HDAC7: variants seen among roughly 807,000 people sequenced by gnomAD.
HDAC7 encodes histone deacetylase 7.
HDAC7 carries 26 observed loss-of-function variants against 115.5 expected under a neutral mutation model. The observed-to-expected ratio is 0.23, with a 90% CI of 0.16 to 0.31. HDAC7 has a LOEUF of 0.31. HDAC7 is among the 10% of genes least tolerant of loss of function. HDAC7 has a pLI of 1.00. For synonymous variants in HDAC7, 564 were observed against 550.9 expected, an observed-to-expected ratio of 1.02 and a Z score of -0.33; for missense variants, 1,068 against 1,329.0, an observed-to-expected ratio of 0.80 and a Z score of 3.05.
chr12:47,799,103 C>T lies in HDAC7; in HGVS notation c.71-131G>A, dbSNP rs141671128. On this transcript the variant is annotated intron_variant, in intron 2 of 25. Transcript: ENST00000080059. ...AAACACTCTCATGGGGGTTTTTCCT[C>T]ACTTAATCCTGTCGTGGTCCTGCAA... The T allele has an allele frequency of 6.1e-4, 388 of 630,980 alleles. 2 individuals carry two copies. In the African/African-American group the frequency reaches 6.6e-3, roughly 11 times the overall value. 39.1% of individuals were successfully genotyped at this position (630,980 alleles called of 1,614,324 possible). A position where few individuals can be genotyped will look rare whatever the true frequency, so the allele number is the denominator to read the frequency against.
In HDAC7 at chr12:47,793,528, T is replaced by A; in HGVS notation, c.1519A>T (p.Thr507Ser). The change falls in exon 13 of 26, where the codon ACT (threonine) becomes TCT (serine). Residue 507 changes from threonine to serine, a missense_variant. Physicochemically the swap from Thr to Ser is moderately conservative, Grantham distance 58. Around this residue, in one of 6 missense-constraint regions of HDAC7, gnomAD observed 618 missense variants for 701.5 expected, o/e 0.88. Coordinates refer to ENST00000080059, the MANE Select transcript of HDAC7 (RefSeq NM_015401.5). This position sits in a 1 kb window ranked among gnomAD's most constrained non-coding sequence, Gnocchi z 4.5. ...CCCTGGGCCAGAGGAAGCAGCACAG[T>A]GTCCCCGGTGCTGCCCCGGGGGAGC... ...GRLPRGSTGD[T>S]VLLPLAQGGH... 1 of 1,548,244 alleles carries A rather than the reference T, an allele frequency of 6.5e-7. No homozygotes were observed. Among genetic ancestry groups the A allele is most frequent in the African/African-American group, 1.4e-5 (1 of 73,160 alleles).
chr12:47,784,376 C>A, intron 24 of HDAC7, 159 bp from the exon 25 acceptor site: 1 of 727,884 alleles, frequency 1.4e-6, no homozygotes. Flanking sequence ...CCTCTCCTCA[C>A]TTCGCTCCCA....
rs967985401 is a variant in HDAC7 at position 47,786,042 on chromosome 12, A to G, written c.2573-157T>C. ...GTGCTTTCACATTGAATGTCGTACA[A>G]AACCTACTAGTATGCTTCACTCAAG... On this transcript the variant is annotated intron_variant, in intron 22 of 25. Transcript: ENST00000080059. The G allele has an allele frequency of 1.0e-5, 8 of 777,044 alleles. No individual in the cohort carries two copies. The Admixed American group carries it at 2.3e-4, about 22-fold the overall frequency. 48.1% of individuals were successfully genotyped at this position (777,044 alleles called of 1,614,324 possible).
chr12:47,789,991 C>T, intron 16 of HDAC7, 71 bp from the exon 17 acceptor site: 1 of 1,161,652 alleles, frequency 8.6e-7, no homozygotes, highest in Non-Finnish European at 1.3e-6. Context: ...AGGGGGTGGT[C>T]CCCACCCCAC....
upstream of HDAC7, among the ~76,000 whole-genome samples, chr12:47,820,948 CA>C (rs1317957854): frequency 6.6e-6 from 1 of 152,186 alleles, no homozygotes; most frequent in African/African-American, 2.4e-5. The surrounding 1 kb of genome is among the most constrained non-coding windows in gnomAD (Gnocchi z 4.3). Flanking sequence ...ATTCAGGGGT[CA>C]GGGGCTAAGG....
chr12:47,800,178 G>A (rs945338993), intron 2 of HDAC7, among the ~76,000 whole-genome samples: 3 of 152,202 alleles, frequency 2.0e-5, no homozygotes, highest in Non-Finnish European at 2.9e-5. Flanking sequence ...CCGGGGGGTA[G>A]TCATTACTAT....
At position 47,797,195 on chromosome 12, in the gene HDAC7, C is replaced by G; in HGVS notation, c.578-53G>C. Reference sequence around the variant, plus strand: ...CCCCCACCACCCTTCTTTTTTCCACCCTTTAACCCCTCAGTCCCAGTCATC... The same window carrying G: ...CCCCCACCACCCTTCTTTTTTCCACGCTTTAACCCCTCAGTCCCAGTCATC... On this transcript the variant is annotated intron_variant, in intron 6 of 25. Coordinates refer to ENST00000080059, the MANE Select transcript of HDAC7 (RefSeq NM_015401.5). The surrounding 1 kb of genome is among the most constrained non-coding windows in gnomAD (Gnocchi z 5.5). The G allele has an allele frequency of 6.4e-6, 10 of 1,559,320 alleles. No individual in the cohort carries two copies. The highest frequency in any genetic ancestry group is 8.7e-6 in the Non-Finnish European group (10 of 1,151,862).
chr12:47,784,267 A>C, intron 24 of HDAC7, 50 bp from the exon 25 acceptor site: 1 of 1,568,570 alleles, frequency 6.4e-7, no homozygotes, highest in African/African-American at 1.4e-5. Flanking sequence ...AAGCCCCTCC[A>C]CACTGCGTCC....
rs1247219859 is a variant in HDAC7 at position 47,797,290 on chromosome 12, A to C, written c.577+94T>G. ...TAGCCTACCGATGATCTCCTGGCCC[A>C]GCCCAGCCCGCCCACCCCTGCACAC... On this transcript the variant is annotated intron_variant, in intron 6 of 25. Coordinates refer to ENST00000080059, the MANE Select transcript of HDAC7 (RefSeq NM_015401.5). This position sits in a 1 kb window ranked among gnomAD's most constrained non-coding sequence, Gnocchi z 5.5. 12 of 1,447,502 alleles carry C rather than the reference A, an allele frequency of 8.3e-6. No homozygotes were observed. Among genetic ancestry groups the C allele is most frequent in the Non-Finnish European group, 1.1e-5 (12 of 1,044,934 alleles). 89.7% of individuals were successfully genotyped at this position (1,447,502 alleles called of 1,614,324 possible). A position where few individuals can be genotyped will look rare whatever the true frequency, so the allele number is the denominator to read the frequency against.
At chr12:47,796,319 G>T (rs763222401) in intron 7 of HDAC7, 21 bp from the exon 8 acceptor site, 1 of 1,575,058 alleles carries the variant, frequency 6.3e-7, no homozygotes, top group Non-Finnish European at 8.6e-7. Flanking sequence ...GGGAGAGAGG[G>T]AAGTGCAGTC....
intron 18 of HDAC7, 82 bp downstream of exon 18, chr12:47,789,441 G>C (rs1034118749): frequency 4.2e-5 from 67 of 1,580,952 alleles, no homozygotes; most frequent in Non-Finnish European, 5.6e-5. Context: ...AAAGCTCAGG[G>C]AAGAAGAGAG....
At chr12:47,812,918 G>C (rs1480946155) in intron 1 of HDAC7, 1 of 152,244 alleles carries the variant, frequency 6.6e-6, no homozygotes, top group South Asian at 2.1e-4. Flanking sequence ...TGCCTGGAAG[G>C]GAGAGTCACA....
chr12:47,789,747 GATTCC>G, intron 17 of HDAC7, 61 bp downstream of exon 17: 1 of 1,408,616 alleles, frequency 7.1e-7, no homozygotes, highest in South Asian at 1.1e-5. Flanking sequence ...TCTGGGCCTG[GATTCC>G]CCACTACCCC....
chr12:47,806,403 G>A (rs191742373), intron 1 of HDAC7, among the ~76,000 whole-genome samples: 33 of 152,340 alleles, frequency 2.2e-4, no homozygotes, highest in African/African-American at 7.2e-4. Flanking sequence ...CAGGCTGGGC[G>A]AGGTGGCTCA....
Position 47,797,575 on chromosome 12 carries a change from G to A in HDAC7, c.462-76C>T. ...GCACTGCCCTGAGCACGGGCCCTGGGACCTGAGGGGGAGGCTGCAGCGGGC... is the reference window on the plus strand; with the variant it reads ...GCACTGCCCTGAGCACGGGCCCTGGAACCTGAGGGGGAGGCTGCAGCGGGC... On this transcript the variant is annotated intron_variant, in intron 5 of 25. Coordinates refer to ENST00000080059, the MANE Select transcript of HDAC7 (RefSeq NM_015401.5). This position sits in a 1 kb window ranked among gnomAD's most constrained non-coding sequence, Gnocchi z 5.5. The A allele has an allele frequency of 9.2e-7, 1 of 1,090,442 alleles. No homozygotes were observed. The highest frequency in any genetic ancestry group is 1.3e-6 in the Non-Finnish European group (1 of 746,928). The allele number at this position is 1,090,442 out of a possible 1,614,324, so 67.5% of individuals were successfully genotyped here. A position where few individuals can be genotyped will look rare whatever the true frequency, so the allele number is the denominator to read the frequency against.
chr12:47,804,496 G>C (rs1260096614), intron 1 of HDAC7, among the ~76,000 whole-genome samples: 1 of 150,776 alleles, frequency 6.6e-6, no homozygotes, highest in Non-Finnish European at 1.5e-5. Flanking sequence ...CTCTCCGAGG[G>C]CTGTTACTAC....
chr12:47,797,604 G>A lies in HDAC7; in HGVS notation c.462-105C>T. The A allele has an allele frequency of 3.7e-6, 3 of 803,086 alleles. No individual in the cohort carries two copies. The highest frequency in any genetic ancestry group is 5.9e-6 in the Non-Finnish European group (3 of 505,572). The allele number at this position is 803,086 out of a possible 1,614,324, so 49.7% of individuals were successfully genotyped here. On this transcript the variant is annotated intron_variant, in intron 5 of 25. Transcript: ENST00000080059. This position sits in a 1 kb window ranked among gnomAD's most constrained non-coding sequence, Gnocchi z 5.5. ...TGAGGGGGAGGCTGCAGCGGGCAGG[G>A]CTGGGCAATGTGGGGCTGGTAGGAA... is the stretch of plus-strand genomic sequence containing the variant.
intron 1 of HDAC7, among the ~76,000 whole-genome samples, chr12:47,814,401 G>A (rs1165466211): frequency 6.6e-6 from 1 of 152,266 alleles, no homozygotes; most frequent in Admixed American, 6.5e-5. Context: ...AGACCAGAGG[G>A]AAGGGACTTG....
chr12:47,795,416 C>A lies in HDAC7; in HGVS notation c.1088-36G>T. The A allele has an allele frequency of 6.5e-7, 1 of 1,536,776 alleles. No individual in the cohort carries two copies. The highest frequency in any genetic ancestry group is 2.4e-5 in the East Asian group (1 of 41,060). On this transcript the variant is annotated intron_variant, in intron 10 of 25. Transcript: ENST00000080059. The surrounding 1 kb of genome is among the most constrained non-coding windows in gnomAD (Gnocchi z 4.3). ...TCGGGGGGTGGAATAAGGAGGGAAC[C>A]ACAGGGAGCAATGGAAGGAAGCGAG...
Sources: allele counts gnomAD v4.1 joint callset (sites outside exome capture counted in the v4.1 genomes callset), GRCh38; gene constraint gnomAD v4.1.1; regional missense constraint gnomAD v4.1.1; non-coding constraint Gnocchi (gnomAD v3.1); transcripts MANE v1.5; gene names NCBI Gene and HGNC (gene_info 2026-07-23, HGNC 2026-07-21).